Variants in MYT1L observed in about 807,000 individuals in gnomAD.
MYT1L encodes myelin transcription factor 1-like protein.
A neutral mutation model predicts 126.7 loss-of-function variants in MYT1L; 12 were observed. The ratio of observed to expected loss-of-function variants is 0.09; its 90% CI spans 0.06 to 0.15. The LOEUF is 0.15. Ranked by LOEUF, MYT1L falls within the 10% of genes least tolerant of loss-of-function variation. The pLI is 1.00. For missense variants in MYT1L, 979 were observed against 1,585.2 expected (o/e 0.62, Z 6.49); for synonymous variants, 541 against 604.2 (o/e 0.90, Z 1.53).
chr2:1,925,325 C>T (rs539237713), intron 9 of MYT1L, among the ~76,000 whole-genome samples: 2 of 152,318 alleles, frequency 1.3e-5, no homozygotes, highest in East Asian at 1.9e-4. Context: ...TCTACAGCCA[C>T]AAAAAGCCTG....
chr2:1,795,794 A>C (rs2147831672), intron 23 of MYT1L: 1 of 152,388 alleles, frequency 6.6e-6, no homozygotes, highest in African/African-American at 2.4e-5. Context: ...GCTAGGAAGC[A>C]GTGCATTCCC....
At chr2:1,798,891 G>A (rs2034318933) in intron 23 of MYT1L, among the ~76,000 whole-genome samples, 1 of 152,222 alleles carries the variant, frequency 6.6e-6, no homozygotes, top group South Asian at 2.1e-4. Context: ...CTGGCTGTGG[G>A]CGCACATTGT....
At chr2:1,930,010 G>T (rs2054739664) in intron 9 of MYT1L, among the ~76,000 whole-genome samples, 2 of 152,196 alleles carry the variant, frequency 1.3e-5, no homozygotes, top group Admixed American at 1.3e-4. Context: ...TCTGCTTCGA[G>T]TCAGAAAGAC....
At chr2:1,830,841 C>T (rs933804921) in intron 21 of MYT1L, among the ~76,000 whole-genome samples, 2 of 152,148 alleles carry the variant, frequency 1.3e-5, no homozygotes, top group East Asian at 1.9e-4. Flanking sequence ...CTGCGGCCTC[C>T]CTCACAGGAT....
At chr2:1,800,984 C>G (rs1467271387) in intron 23 of MYT1L, among the ~76,000 whole-genome samples, 1 of 152,144 alleles carries the variant, frequency 6.6e-6, no homozygotes, top group East Asian at 1.9e-4. Flanking sequence ...AATTCCACTC[C>G]CAGAGTGTAC....
chr2:1,911,719 T>C (rs961581072), intron 12 of MYT1L, among the ~76,000 whole-genome samples: 5 of 152,198 alleles, frequency 3.3e-5, no homozygotes, highest in Non-Finnish European at 7.3e-5. Flanking sequence ...AGGACAGCCC[T>C]GTCTTCACCT....
chr2:2,204,588 C>A (rs1426320483), intron 2 of MYT1L, among the ~76,000 whole-genome samples: 1 of 142,798 alleles, frequency 7.0e-6, no homozygotes, highest in African/African-American at 2.8e-5. Flanking sequence ...GTTAGAATGG[C>A]AATCATTAAA....
At chr2:2,288,429 T>C (rs2095553780) in intron 1 of MYT1L, among the ~76,000 whole-genome samples, 1 of 152,214 alleles carries the variant, frequency 6.6e-6, no homozygotes, top group Non-Finnish European at 1.5e-5. Context: ...GTGTTTCTCA[T>C]TATCTGGGTC....
At chr2:2,128,464 T>A (rs2081985395) in intron 3 of MYT1L, among the ~76,000 whole-genome samples, 1 of 152,174 alleles carries the variant, frequency 6.6e-6, no homozygotes, top group Non-Finnish European at 1.5e-5. Context: ...AAGCTTGAAC[T>A]TCTAAATGAG....
At chr2:1,898,838 C>T (rs1309255789) in intron 14 of MYT1L, among the ~76,000 whole-genome samples, 9 of 152,044 alleles carry the variant, frequency 5.9e-5, no homozygotes, top group African/African-American at 1.7e-4. Flanking sequence ...TGCAGGCGGG[C>T]GTGGTGGGGC....
intron 2 of MYT1L, among the ~76,000 whole-genome samples, chr2:2,179,160 G>T (rs563869343): frequency 6.6e-6 from 1 of 152,146 alleles, no homozygotes; most frequent in Admixed American, 6.5e-5. Flanking sequence ...ACATGGCCAA[G>T]GAAGTGGCTC....
At position 1,979,572 on chromosome 2, in the gene MYT1L, T is replaced by C. The variant is rs749775021; in HGVS notation, c.56-18A>G. On this transcript the variant is annotated intron_variant, in intron 6 of 24. Coordinates refer to ENST00000647738, the MANE Select transcript of MYT1L (RefSeq NM_001303052.2). This position sits in a 1 kb window ranked among gnomAD's most constrained non-coding sequence, Gnocchi z 4.0. ...CACGGGAACTGCAGAGAGATGGAAATAGATAAAAATTTACCATCTATCACA... is the reference window on the plus strand; with the variant it reads ...CACGGGAACTGCAGAGAGATGGAAACAGATAAAAATTTACCATCTATCACA... The C allele has an allele frequency of 2.5e-6, 4 of 1,612,712 alleles. No homozygotes were observed. The highest frequency in any genetic ancestry group is 2.2e-5 in the East Asian group (1 of 44,848).
At chr2:2,080,587 T>G (rs1026655504) in intron 3 of MYT1L, among the ~76,000 whole-genome samples, 1 of 152,178 alleles carries the variant, frequency 6.6e-6, no homozygotes, top group African/African-American at 2.4e-5. Context: ...GAACATCATT[T>G]GTCAGTTTGT....
intron 3 of MYT1L, among the ~76,000 whole-genome samples, chr2:2,065,247 A>C (rs992288490): frequency 7.2e-5 from 11 of 152,198 alleles, no homozygotes; most frequent in Admixed American, 7.2e-4. Flanking sequence ...AAACCTCATC[A>C]CATTATAGTA....
chr2:2,205,865 A>G (rs1185848916), intron 2 of MYT1L, among the ~76,000 whole-genome samples: 1 of 152,184 alleles, frequency 6.6e-6, no homozygotes, highest in Non-Finnish European at 1.5e-5. Flanking sequence ...GTGGTTCTCA[A>G]CAATCTTTCC....
chr2:2,004,361 T>C (rs1222363192), intron 4 of MYT1L, among the ~76,000 whole-genome samples: 6 of 145,136 alleles, frequency 4.1e-5, no homozygotes, highest in Non-Finnish European at 9.1e-5. Context: ...GTGCCTTCTT[T>C]CCTGTGTGCC....
intron 8 of MYT1L, among the ~76,000 whole-genome samples, chr2:1,961,802 G>C (rs1260778824): frequency 6.6e-6 from 1 of 152,214 alleles, no homozygotes; most frequent in African/African-American, 2.4e-5. Flanking sequence ...TCACACAGAT[G>C]TTTTGGTTTC....
intron 2 of MYT1L, among the ~76,000 whole-genome samples, chr2:2,246,370 T>C (rs1336588694): frequency 1.3e-5 from 2 of 152,128 alleles, no homozygotes; most frequent in Non-Finnish European, 2.9e-5. Flanking sequence ...CCTGCTACCT[T>C]TTTAATAGGT....
At chr2:1,897,885 G>T (rs2049822854) in intron 14 of MYT1L, among the ~76,000 whole-genome samples, 2 of 152,150 alleles carry the variant, frequency 1.3e-5, no homozygotes, top group Non-Finnish European at 2.9e-5. Flanking sequence ...AACTCTAGAT[G>T]CCAGAGCTGC....
Sources: allele counts gnomAD v4.1 joint callset (sites outside exome capture counted in the v4.1 genomes callset), GRCh38; gene constraint gnomAD v4.1.1; non-coding constraint Gnocchi (gnomAD v3.1); transcripts MANE v1.5; gene names NCBI Gene and HGNC (gene_info 2026-07-23, HGNC 2026-07-21).